The following IREB2 variants were observed in gnomAD, a reference collection of about 807,000 sequenced individuals.
IREB2 encodes the protein iron responsive element binding protein 2.
A neutral mutation model predicts 118.8 loss-of-function variants in IREB2; 39 were observed. The ratio of observed to expected loss-of-function variants is 0.33; its 90% CI spans 0.25 to 0.43. The LOEUF is 0.43. IREB2 is among the 20% of genes least tolerant of loss of function. IREB2 has a pLI of 1.00. For missense variants in IREB2, 900 were observed against 1,147.3 expected (o/e 0.78, Z 3.11); for synonymous variants, 372 against 392.2 (o/e 0.95, Z 0.61).
At chr15:78,440,461 A>G (rs1341744515) in intron 2 of IREB2, among the ~76,000 whole-genome samples, 1 of 151,766 alleles carries the variant, frequency 6.6e-6, no homozygotes, top group Non-Finnish European at 1.5e-5. Flanking sequence ...CTCCTGGGCT[A>G]AAGCAGTCCT....
intron 2 of IREB2, among the ~76,000 whole-genome samples, chr15:78,456,341 C>G (rs1193004107): frequency 6.6e-6 from 1 of 152,090 alleles, no homozygotes; most frequent in Non-Finnish European, 1.5e-5. Context: ...ATAGTTGGTG[C>G]TTCTTCATGA....
chr15:78,466,346 G>A lies in IREB2; in HGVS notation c.486G>A (p.Gln162=), dbSNP rs1566973174. 3.1e-6 allele frequency: 5 copies of A among 1,613,952 alleles called. No homozygotes were observed. The highest frequency in any genetic ancestry group is 4.2e-6 in the Non-Finnish European group (5 of 1,179,976). The part of the protein sequence containing the change: ...KAGKLSPLKV[Q]PKKLPCRGQT... ...GAAAGCTCTCTCCACTTAAAGTGCA[G>A]CCTAAGAAGCTTCCCTGCAGAGGCC... is the stretch of plus-strand genomic sequence containing the variant. The change falls in exon 5 of 22, where the codon CAG becomes CAA. Residue 162 remains glutamine, a synonymous_variant. Transcript: ENST00000258886.
intron 20 of IREB2, among the ~76,000 whole-genome samples, chr15:78,495,462 G>A (rs2051825127): frequency 6.6e-6 from 1 of 152,010 alleles, no homozygotes; most frequent in Admixed American, 6.6e-5. Context: ...TCAGTTACTG[G>A]GCCTTACTAT....
rs902720396 is a variant in IREB2 at position 78,498,757 on chromosome 15, C to T, written c.*614C>T. ...TTCTGTCCAATCCAGCCAAGGTTCC[C>T]TCCACATATGAAGATGGACCATGGC... On this transcript the variant is annotated 3_prime_UTR_variant, in exon 22 of 22. Coordinates refer to ENST00000258886, the MANE Select transcript of IREB2 (RefSeq NM_004136.4). 6.6e-6 allele frequency: 1 copy of T among 152,314 alleles called. No individual in the cohort carries two copies. Among genetic ancestry groups the T allele is most frequent in the Admixed American group, 6.5e-5 (1 of 15,282 alleles). The allele number at this position is 152,314 out of a possible 1,614,324, so 9.4% of individuals were successfully genotyped here.
chr15:78,443,092 G>A (rs189429313), intron 2 of IREB2, among the ~76,000 whole-genome samples: 7 of 152,242 alleles, frequency 4.6e-5, no homozygotes, highest in Admixed American at 1.3e-4. Context: ...TGTATGTACT[G>A]TTTGGTATAT....
At chr15:78,459,565 G>A (rs978779742) in intron 2 of IREB2, among the ~76,000 whole-genome samples, 5 of 152,138 alleles carry the variant, frequency 3.3e-5, no homozygotes, top group African/African-American at 1.2e-4. Flanking sequence ...GGTCAGGCTG[G>A]TCTGTAACTC....
intron 1 of IREB2, among the ~76,000 whole-genome samples, chr15:78,439,526 A>C (rs147568623): frequency 6.6e-6 from 1 of 152,226 alleles, no homozygotes; most frequent in African/African-American, 2.4e-5. Context: ...GTTTAGAACT[A>C]TGCTTTCCAG....
intron 3 of IREB2, among the ~76,000 whole-genome samples, 198 bp from the exon 4 acceptor site, chr15:78,465,053 A>G (rs766638170): frequency 6.6e-6 from 1 of 152,238 alleles, no homozygotes; most frequent in Non-Finnish European, 1.5e-5. Flanking sequence ...TATTTGCCCA[A>G]GTACTTCAGT....
At chr15:78,482,064 C>T (rs1026356257) in intron 10 of IREB2, among the ~76,000 whole-genome samples, 24 of 151,652 alleles carry the variant, frequency 1.6e-4, no homozygotes, top group Admixed American at 1.6e-3. Context: ...TGAGACCTCA[C>T]CTCTGCTAAA....
chr15:78,449,464 G>A (rs1271651172), intron 2 of IREB2, among the ~76,000 whole-genome samples: 1 of 152,222 alleles, frequency 6.6e-6, no homozygotes, highest in African/African-American at 2.4e-5. Context: ...GAATTGTGTG[G>A]CAAACAGGAA....
intron 2 of IREB2, among the ~76,000 whole-genome samples, chr15:78,456,285 C>T (rs899096836): frequency 1.4e-4 from 21 of 152,250 alleles, no homozygotes; most frequent in African/African-American, 4.6e-4. Context: ...TCTTCCCTGG[C>T]AGTAGGTCTC....
chr15:78,470,570 G>A lies in IREB2; in HGVS notation c.668G>A (p.Gly223Asp), dbSNP rs1239522397. The change falls in exon 6 of 22, where the codon GGC becomes GAC. Residue 223 changes from glycine (G) to aspartate (D), a missense_variant. Coordinates refer to ENST00000258886, the MANE Select transcript of IREB2 (RefSeq NM_004136.4). ...TTAAAAAATCAAGAAGTAGAATTCG[G>A]CAGAAATCGAGAGAGGCTTCAGTTT... ...TVLKNQEVEF[G>D]RNRERLQFFK... The A allele has an allele frequency of 7.5e-6, 12 of 1,593,596 alleles. No homozygotes were observed. In the Admixed American group the frequency reaches 8.4e-5, roughly 11 times the overall value.
chr15:78,466,240 G>T, intron 4 of IREB2, 31 bp from the exon 5 acceptor site: 1 of 1,493,822 alleles, frequency 6.7e-7, no homozygotes, highest in South Asian at 1.2e-5. Context: ...CTTTTAAATG[G>T]CTTTATTTTG....
In IREB2 at chr15:78,491,539, C is replaced by G. The variant is rs77172277; in HGVS notation, c.2324+778C>G. Among the ~76,000 whole-genome samples the G allele has an allele frequency of 8.0e-4, 121 of 152,180 alleles. No individual in the cohort carries two copies. In the East Asian group the frequency reaches 0.016, roughly 20 times the overall value. ...TTTTGAGACAGACTCACTCTGTCACCCAGGCTGGAGTGCAGTGGTGTGATC... is the reference window on the plus strand; with the variant it reads ...TTTTGAGACAGACTCACTCTGTCACGCAGGCTGGAGTGCAGTGGTGTGATC... On this transcript the variant is annotated intron_variant, in intron 18 of 21. Coordinates refer to ENST00000258886, the MANE Select transcript of IREB2 (RefSeq NM_004136.4).
chr15:78,490,680 ACT>A lies in IREB2; in HGVS notation c.2246_2247del (p.Ser749CysfsTer14), dbSNP rs2051735950. ...GCCCATGTCTTATTATATTTGGGAGACTCTGTCACAACAGATCATATATCACC... is the reference window on the plus strand; with the variant it reads ...GCCCATGTCTTATTATATTTGGGAGACTGTCACAACAGATCATATATCACC... On this transcript the variant is annotated frameshift_variant, in exon 18 of 22. Coordinates refer to ENST00000258886, the MANE Select transcript of IREB2 (RefSeq NM_004136.4). LOFTEE classifies it high-confidence loss of function. The A allele has an allele frequency of 6.2e-7, 1 of 1,613,780 alleles. No homozygotes were observed. Among genetic ancestry groups the A allele is most frequent in the Non-Finnish European group, 8.5e-7 (1 of 1,179,710 alleles).
chr15:78,479,244 G>GC (rs1339074696), intron 10 of IREB2, among the ~76,000 whole-genome samples: 2 of 151,934 alleles, frequency 1.3e-5, no homozygotes, highest in African/African-American at 4.8e-5. Context: ...ACAGGCATGA[G>GC]CCACTGGACC....
At chr15:78,443,462 A>C (rs1262580867) in intron 2 of IREB2, among the ~76,000 whole-genome samples, 1 of 152,120 alleles carries the variant, frequency 6.6e-6, no homozygotes, top group African/African-American at 2.4e-5. Context: ...TTCAACACAG[A>C]TTATTTGATT....
chr15:78,468,151 G>T (rs187471813), intron 5 of IREB2, among the ~76,000 whole-genome samples: 2 of 152,278 alleles, frequency 1.3e-5, no homozygotes, highest in East Asian at 3.9e-4. Flanking sequence ...ACTGTGCCCA[G>T]CCATATTTTT....
chr15:78,485,111 T>C (rs1202494367), intron 12 of IREB2, among the ~76,000 whole-genome samples, 191 bp downstream of exon 12: 1 of 152,246 alleles, frequency 6.6e-6, no homozygotes, highest in Non-Finnish European at 1.5e-5. Flanking sequence ...GAAGGTAAAT[T>C]TACTGTTTAC....
Sources: allele counts gnomAD v4.1 joint callset (sites outside exome capture counted in the v4.1 genomes callset), GRCh38; gene constraint gnomAD v4.1.1; transcripts MANE v1.5; gene names NCBI Gene and HGNC (gene_info 2026-07-23, HGNC 2026-07-21).